The following GRIK1 variants were observed in gnomAD, a reference collection of about 807,000 sequenced individuals.
GRIK1 encodes glutamate ionotropic receptor kainate type subunit 1.
GRIK1 carries 69 observed loss-of-function variants against 105.7 expected under a neutral mutation model. The observed-to-expected ratio is 0.65, with a 90% CI of 0.54 to 0.80. The LOEUF is 0.80. Among genes scored for constraint, GRIK1 ranks in the 30% least tolerant of loss-of-function variants. The pLI is 0.00. For synonymous variants in GRIK1, 438 were observed against 431.3 expected (o/e 1.02, Z -0.19); for missense variants, 1,109 against 1,167.3 (o/e 0.95, Z 0.73).
intron 1 of GRIK1, among the ~76,000 whole-genome samples, chr21:29,851,244 A>T (rs7277213): frequency 6.6e-6 from 1 of 151,824 alleles, no homozygotes; most frequent in Non-Finnish European, 1.5e-5. Flanking sequence ...TGGTAGAGTC[A>T]GGGTTTCACC....
At chr21:29,921,629 A>T (rs1435658652) in intron 1 of GRIK1, among the ~76,000 whole-genome samples, 2 of 152,166 alleles carry the variant, frequency 1.3e-5, no homozygotes, top group Non-Finnish European at 2.9e-5. Context: ...TCACGAATCA[A>T]ATAAATAAAT....
chr21:29,568,144 G>A lies in GRIK1; in HGVS notation c.2131-6295C>T, dbSNP rs553473929. ...GGCAATCTTCCAGCCTTTGAAAAAG[G>A]TTGAATTGACCTCATAGATTTCTTC... On this transcript the variant is annotated intron_variant, in intron 14 of 17. Coordinates refer to ENST00000327783, the MANE Select transcript of GRIK1 (RefSeq NM_001330994.2). Among the ~76,000 whole-genome samples the A allele has an allele frequency of 2.6e-5, 4 of 152,310 alleles. No homozygotes were observed. In the South Asian group the frequency reaches 8.3e-4, roughly 32 times the overall value.
At chr21:29,694,117 A>ATTTTTTTTTTTTTTTTTTTTTTTTTTT (rs11434895) in intron 1 of GRIK1, 54 bp from the exon 2 acceptor site, 2 of 371,132 alleles carry the variant, frequency 5.4e-6, no homozygotes, top group Non-Finnish European at 9.1e-6. Context: ...TTCACATGTA[A>ATTTTTTTTTTTTTTTTTTTTTTTTTTT]TTTTTTTTTT....
intron 1 of GRIK1, among the ~76,000 whole-genome samples, chr21:29,924,150 C>T (rs2071277375): frequency 6.6e-6 from 1 of 151,812 alleles, no homozygotes; most frequent in East Asian, 1.9e-4. Flanking sequence ...CCAGCCTGGC[C>T]AACGTGGTGA....
At chr21:29,846,257 G>T (rs1362147209) in intron 1 of GRIK1, among the ~76,000 whole-genome samples, 1 of 149,640 alleles carries the variant, frequency 6.7e-6, no homozygotes, top group East Asian at 2.0e-4. Flanking sequence ...GGCGCGTGGC[G>T]CATGCCTGTA....
At chr21:29,850,436 T>A (rs2068268398) in intron 1 of GRIK1, among the ~76,000 whole-genome samples, 1 of 152,192 alleles carries the variant, frequency 6.6e-6, no homozygotes, top group Non-Finnish European at 1.5e-5. Context: ...GCTATCGCCC[T>A]AATGTTCTAA....
intron 1 of GRIK1, among the ~76,000 whole-genome samples, chr21:29,762,716 C>A (rs937965121): frequency 2.0e-5 from 3 of 150,524 alleles, no homozygotes; most frequent in African/African-American, 7.5e-5. Flanking sequence ...ACCCTGTATT[C>A]AAATTGGGAG....
intron 10 of GRIK1, among the ~76,000 whole-genome samples, chr21:29,590,440 A>G (rs1173655161): frequency 1.3e-5 from 2 of 152,206 alleles, no homozygotes; most frequent in Admixed American, 6.5e-5. Context: ...TGGATGGGGC[A>G]TGACCAGGGC....
At chr21:29,870,637 A>G (rs945782500) in intron 1 of GRIK1, among the ~76,000 whole-genome samples, 1 of 152,026 alleles carries the variant, frequency 6.6e-6, no homozygotes, top group Non-Finnish European at 1.5e-5. Context: ...ACTCAGACCT[A>G]TTGCATCTTC....
intron 16 of GRIK1, among the ~76,000 whole-genome samples, chr21:29,546,989 A>G (rs1216192300): frequency 2.0e-5 from 3 of 152,214 alleles, no homozygotes; most frequent in Non-Finnish European, 4.4e-5. Context: ...ACTAAGTTAC[A>G]CTTACAGAAT....
chr21:29,871,547 C>G (rs1438641272), intron 1 of GRIK1, among the ~76,000 whole-genome samples: 1 of 152,048 alleles, frequency 6.6e-6, no homozygotes, highest in African/African-American at 2.4e-5. Context: ...GATCTGGTCT[C>G]TACCACGAAG....
At chr21:29,792,900 T>A (rs975867053) in intron 1 of GRIK1, among the ~76,000 whole-genome samples, 1 of 152,206 alleles carries the variant, frequency 6.6e-6, no homozygotes, top group African/African-American at 2.4e-5. Context: ...TCTGCTTTTT[T>A]ATTTTTAATT....
At chr21:29,625,067 C>T (rs979410215) in intron 7 of GRIK1, among the ~76,000 whole-genome samples, 2 of 152,170 alleles carry the variant, frequency 1.3e-5, no homozygotes, top group Non-Finnish European at 2.9e-5. Context: ...GTTTATTTTG[C>T]CTTAAGTTAA....
At chr21:29,654,242 T>A (rs2062800117) in intron 5 of GRIK1, among the ~76,000 whole-genome samples, 1 of 152,350 alleles carries the variant, frequency 6.6e-6, no homozygotes, top group South Asian at 2.1e-4. Flanking sequence ...CATGATCAGA[T>A]AGTCTCTCAA....
Position 29,555,247 on chromosome 21 carries a change from C to CCCTT in GRIK1, c.2408_2411dup (p.Lys805ArgfsTer62). On this transcript the variant is annotated frameshift_variant, in exon 16 of 18. Transcript: ENST00000327783. LOFTEE classifies it high-confidence loss of function. ...ACTTCTCTTTCATCATATGCAGCTT[C>CCCTT]CCTTCTTCTTGGAGTTGAAGAATAG... 2 of 1,613,592 alleles carry CCCTT rather than the reference C, an allele frequency of 1.2e-6. No individual in the cohort carries two copies. The highest frequency in any genetic ancestry group is 2.7e-5 in the African/African-American group (2 of 75,002).
chr21:29,937,578 C>G (rs889336431), intron 1 of GRIK1, among the ~76,000 whole-genome samples: 3 of 152,128 alleles, frequency 2.0e-5, no homozygotes, highest in Admixed American at 1.3e-4. Flanking sequence ...TTTCCCTTCT[C>G]CTCCTGAGTT....
chr21:29,901,947 C>A (rs1360158280), intron 1 of GRIK1, among the ~76,000 whole-genome samples: 1 of 152,188 alleles, frequency 6.6e-6, no homozygotes, highest in East Asian at 1.9e-4. Context: ...AGCTTATCCA[C>A]CACAATAAGT....
intron 1 of GRIK1, among the ~76,000 whole-genome samples, chr21:29,823,880 A>G (rs1243396125): frequency 6.6e-6 from 1 of 151,966 alleles, no homozygotes; most frequent in African/African-American, 2.4e-5. Flanking sequence ...ATATATTTAT[A>G]TAGTCTTAGT....
At chr21:29,814,628 T>C (rs188900519) in intron 1 of GRIK1, among the ~76,000 whole-genome samples, 206 of 152,242 alleles carry the variant, frequency 1.4e-3, no homozygotes, top group Middle Eastern at 3.4e-3. Context: ...TCCGACTATG[T>C]ATTACAGGTT....
Sources: gnomAD v4.1 joint callset for allele counts (sites outside exome capture counted in the v4.1 genomes callset) on GRCh38, gnomAD v4.1.1 for gene constraint, MANE v1.5 for transcripts, NCBI Gene and HGNC (gene_info 2026-07-23, HGNC 2026-07-21) for gene names.